The following ARHGAP21 variants were observed in gnomAD, a reference collection of about 807,000 sequenced individuals.
ARHGAP21 encodes the protein rho GTPase-activating protein 21.
A neutral mutation model predicts 164.6 loss-of-function variants in ARHGAP21; 38 were observed. The observed-to-expected ratio is 0.23, with a 90% CI of 0.18 to 0.30. ARHGAP21 has a LOEUF of 0.30. ARHGAP21 is among the 10% of genes least tolerant of loss of function. The pLI is 1.00. For synonymous variants in ARHGAP21, 766 were observed against 857.9 expected (o/e 0.89, Z 1.87); for missense variants, 1,822 against 2,370.7 (o/e 0.77, Z 4.81).
chr10:24,601,263 A>T (rs1361029360), intron 13 of ARHGAP21, among the ~76,000 whole-genome samples: 1 of 152,238 alleles, frequency 6.6e-6, no homozygotes, highest in Non-Finnish European at 1.5e-5. Context: ...CGGTCCAAAA[A>T]ACCTGTTGAG....
In ARHGAP21 at chr10:24,620,791, A is replaced by C. The variant is rs1427545326; in HGVS notation, c.1104T>G (p.Ala368=). The C allele has an allele frequency of 1.2e-6, 2 of 1,614,078 alleles. No individual in the cohort carries two copies. Among genetic ancestry groups the C allele is most frequent in the Non-Finnish European group, 1.7e-6 (2 of 1,180,040 alleles). Residue 368 remains alanine (A), a synonymous_variant, in exon 9 of 26, where the codon GCT becomes GCG. Coordinates refer to ENST00000396432, the MANE Select transcript of ARHGAP21 (RefSeq NM_020824.4). ...AATAGTGATTAACAGATACAGAGGG[A>C]GCCTCCACAGCTTGAGATCTGCTGC... ...ISSSRSQAVE[A]PSVSVNHYSP...
intron 7 of ARHGAP21, chr10:24,629,474 C>T (rs1835633347): frequency 6.5e-6 from 1 of 152,680 alleles, no homozygotes; most frequent in African/African-American, 2.4e-5. Context: ...AGACTCCGTT[C>T]ATTGTGAACA....
In ARHGAP21 at chr10:24,620,583, G is replaced by A; in HGVS notation, c.1312C>T (p.Arg438Ter). ...CGATCATGAGAGGTGCTTCGACGTC[G>A]TCCCTGCAAAGTAGTGCGGTTGGGG... Reference protein sequence around the residue: ...VVPNRTTLQGRRRSTSHDRVP... With the variant: ...VVPNRTTLQG Residue 438 changes from arginine to a stop codon, truncating the protein, a stop_gained, in exon 9 of 26, where the codon CGA becomes TGA. Coordinates refer to ENST00000396432, the MANE Select transcript of ARHGAP21 (RefSeq NM_020824.4). LOFTEE classifies it high-confidence loss of function. The A allele has an allele frequency of 1.9e-6, 3 of 1,614,186 alleles. No homozygotes were observed. Among genetic ancestry groups the A allele is most frequent in the South Asian group, 1.1e-5 (1 of 91,084 alleles).
chr10:24,708,671 A>G (rs1565198551), intron 2 of ARHGAP21, among the ~76,000 whole-genome samples: 1 of 152,342 alleles, frequency 6.6e-6, no homozygotes, highest in Middle Eastern at 3.4e-3. Context: ...GAGCGAGAAC[A>G]TGCAATATTC....
At chr10:24,686,413 G>A (rs1041888079) in intron 2 of ARHGAP21, among the ~76,000 whole-genome samples, 4 of 152,068 alleles carry the variant, frequency 2.6e-5, no homozygotes, top group African/African-American at 4.8e-5. Flanking sequence ...GGGCAACAGA[G>A]TGAGACCCTA....
At chr10:24,629,906 T>A (rs749048878) in intron 7 of ARHGAP21, 90 bp downstream of exon 7, 11 of 943,906 alleles carry the variant, frequency 1.2e-5, no homozygotes, top group South Asian at 5.6e-5. Context: ...GAATTTTTTT[T>A]AAATTCCATC....
chr10:24,599,752 A>G (rs1359955628), intron 14 of ARHGAP21, among the ~76,000 whole-genome samples: 1 of 152,214 alleles, frequency 6.6e-6, no homozygotes, highest in African/African-American at 2.4e-5. Flanking sequence ...TTTAAAAACT[A>G]TCTTTACTAT....
intron 4 of ARHGAP21, among the ~76,000 whole-genome samples, chr10:24,659,384 C>T (rs984811002): frequency 2.6e-4 from 39 of 152,126 alleles, no homozygotes; most frequent in African/African-American, 8.7e-4. Flanking sequence ...TGGCGGATCT[C>T]GGCTCACTGC....
At chr10:24,621,408 T>TA (rs1410892497) in intron 8 of ARHGAP21, 39 bp from the exon 9 acceptor site, 1 of 1,475,736 alleles carries the variant, frequency 6.8e-7, no homozygotes, top group African/African-American at 1.4e-5. Flanking sequence ...TGGAAATTCA[T>TA]AAAAAGAATA....
chr10:24,722,044 G>T lies in ARHGAP21; in HGVS notation c.-145C>A. 1 of 814,660 alleles carries T rather than the reference G, an allele frequency of 1.2e-6. No homozygotes were observed. Among genetic ancestry groups the T allele is most frequent in the South Asian group, 1.6e-5 (1 of 64,404 alleles). The allele number at this position is 814,660 out of a possible 1,614,324, so 50.5% of individuals were successfully genotyped here. On this transcript the variant is annotated 5_prime_UTR_variant, in exon 2 of 26. Coordinates refer to ENST00000396432, the MANE Select transcript of ARHGAP21 (RefSeq NM_020824.4). Reference sequence around the variant, plus strand: ...GCTGTTGAAACAGACAACGTGCCAGGGAATAAAGGTTTTCAGGAAGCGCCT... The same window carrying T: ...GCTGTTGAAACAGACAACGTGCCAGTGAATAAAGGTTTTCAGGAAGCGCCT...
rs929833379 is a variant in ARHGAP21 at position 24,612,827 on chromosome 10, C to T, written c.2423-4924G>A. 5.3e-5 allele frequency among the ~76,000 whole-genome samples: 8 copies of T among 152,090 alleles called. No homozygotes were observed. In the South Asian group the frequency reaches 8.3e-4, roughly 16 times the overall value. On this transcript the variant is annotated intron_variant, in intron 9 of 25. Transcript: ENST00000396432. The stretch of plus-strand genomic sequence containing the variant: ...CCGAGATCAGGCTGCTGCACTCCAG[C>T]CTGGGCAACAGAGCAAGACTCTGTT...
At chr10:24,719,630 T>C (rs1040126618) in intron 2 of ARHGAP21, among the ~76,000 whole-genome samples, 3 of 152,226 alleles carry the variant, frequency 2.0e-5, no homozygotes, top group Non-Finnish European at 2.9e-5. Context: ...AAACACATTA[T>C]TGATTTTTAA....
At chr10:24,594,421 C>T (rs1217657487) in intron 21 of ARHGAP21, among the ~76,000 whole-genome samples, 1 of 152,116 alleles carries the variant, frequency 6.6e-6, no homozygotes, top group Admixed American at 6.5e-5. Context: ...AGGTGAATTG[C>T]TTGAGCCCAG....
At chr10:24,638,068 T>C (rs866366030) in intron 4 of ARHGAP21, among the ~76,000 whole-genome samples, 4 of 152,064 alleles carry the variant, frequency 2.6e-5, no homozygotes, top group Admixed American at 6.5e-5. Flanking sequence ...GGTTTCACTA[T>C]GTTGGCCAGG....
At chr10:24,595,225 A>C in intron 19 of ARHGAP21, 35 bp from the exon 20 acceptor site, 1 of 1,544,814 alleles carries the variant, frequency 6.5e-7, no homozygotes, top group Middle Eastern at 1.7e-4. Context: ...ATTTATCTTA[A>C]ATTGCCTAGG....
intron 3 of ARHGAP21, among the ~76,000 whole-genome samples, chr10:24,668,812 CAATAAT>C: frequency 6.6e-6 from 1 of 151,864 alleles, no homozygotes; most frequent in South Asian, 2.1e-4. Flanking sequence ...AAATATTTTC[CAATAAT>C]AATAATACAT....
chr10:24,618,094 C>T (rs1834167752), intron 9 of ARHGAP21, among the ~76,000 whole-genome samples: 1 of 152,112 alleles, frequency 6.6e-6, no homozygotes, highest in South Asian at 2.1e-4. Context: ...CCTCTCTATA[C>T]CTTAAATTTC....
chr10:24,617,696 T>C (rs1222571291), intron 9 of ARHGAP21, among the ~76,000 whole-genome samples: 1 of 152,032 alleles, frequency 6.6e-6, no homozygotes, highest in African/African-American at 2.4e-5. Context: ...AGAAACATTT[T>C]TAAAGCTATC....
At chr10:24,616,411 C>A (rs369395243) in intron 9 of ARHGAP21, among the ~76,000 whole-genome samples, 64 of 152,324 alleles carry the variant, frequency 4.2e-4, no homozygotes, top group African/African-American at 1.5e-3. Flanking sequence ...GTCACCTCTT[C>A]CCTTTGGGTA....
Sources: gnomAD v4.1 joint callset for allele counts (sites outside exome capture counted in the v4.1 genomes callset) on GRCh38, gnomAD v4.1.1 for gene constraint, MANE v1.5 for transcripts, NCBI Gene and HGNC (gene_info 2026-07-23, HGNC 2026-07-21) for gene names.